Variants in ZCCHC4 observed in about 807,000 individuals in gnomAD.
ZCCHC4 encodes zinc finger CCHC-type containing 4.
ZCCHC4 carries 54 observed loss-of-function variants against 67.7 expected under a neutral mutation model. The observed-to-expected ratio is 0.80, with a 90% CI of 0.64 to 1.00. The LOEUF is 1.00. Ranked by LOEUF, ZCCHC4 falls within the 50% of genes least tolerant of loss-of-function variation. ZCCHC4 has a pLI of 0.00. For missense variants in ZCCHC4, 609 were observed against 617.0 expected, an observed-to-expected ratio of 0.99 and a Z score of 0.14; for synonymous variants, 198 against 213.5, an observed-to-expected ratio of 0.93 and a Z score of 0.63.
rs748802959 is a variant in ZCCHC4 at position 25,315,386 on chromosome 4, G to T, written c.315G>T (p.Thr105=). 4 of 1,611,476 alleles carry T rather than the reference G, an allele frequency of 2.5e-6. No homozygotes were observed. The highest frequency in any genetic ancestry group is 2.5e-6 in the Non-Finnish European group (3 of 1,178,682). The change falls in exon 3 of 13, where the codon ACG becomes ACT. Residue 105 remains threonine, a synonymous_variant. Coordinates refer to ENST00000302874, the MANE Select transcript of ZCCHC4 (RefSeq NM_024936.3). ...GATGTCAGCCTCCCCTGTCCCGAAC[G>T]CAGTGTGTGGAAAGGTACTGATGCA... The part of the protein sequence containing the change: ...NRRCQPPLSR[T]QCVERYLKFI...
chr4:25,321,203 T>C (rs1164082459), intron 3 of ZCCHC4, among the ~76,000 whole-genome samples: 1 of 152,148 alleles, frequency 6.6e-6, no homozygotes, highest in East Asian at 1.9e-4. Flanking sequence ...TCTTTCACTC[T>C]TGCTGCCGCT....
chr4:25,341,830 T>C (rs1057015567), intron 5 of ZCCHC4, among the ~76,000 whole-genome samples: 1 of 152,234 alleles, frequency 6.6e-6, no homozygotes, highest in African/African-American at 2.4e-5. Flanking sequence ...TCCAGAACTC[T>C]TCATCTTGCC....
intron 10 of ZCCHC4, among the ~76,000 whole-genome samples, chr4:25,363,327 A>T (rs577698377): frequency 6.6e-6 from 1 of 152,286 alleles, no homozygotes; most frequent in African/African-American, 2.4e-5. Flanking sequence ...AGGTTCCTTC[A>T]TGTCTTTTCA....
chr4:25,327,378 C>CTCCCTTCCTCCCTCCCTCCCTCCT lies in ZCCHC4; in HGVS notation c.330-5800_330-5799insTCCTCCCTCCCTCCCTCCTTCCCT, dbSNP rs1560401264. On this transcript the variant is annotated intron_variant, in intron 3 of 12. Transcript: ENST00000302874. ...CTTCTATTTCTGGTTTTTTGAGAAT[C>CTCCCTTCCTCCCTCCCTCCCTCCT]TCCCTCCCTCCCTCCCTCCCTCCTT... is the stretch of plus-strand genomic sequence containing the variant. 5.3e-5 allele frequency among the ~76,000 whole-genome samples: 7 copies of CTCCCTTCCTCCCTCCCTCCCTCCT among 132,514 alleles called. No individual in the cohort carries two copies. In the East Asian group the frequency reaches 1.6e-3, roughly 30 times the overall value. The allele number at this position is 132,514 out of a possible 152,430, so 86.9% of individuals were successfully genotyped here. A position where few individuals can be genotyped will look rare whatever the true frequency, so the allele number is the denominator to read the frequency against.
intron 3 of ZCCHC4, among the ~76,000 whole-genome samples, chr4:25,321,457 C>A (rs1173605303): frequency 1.3e-5 from 2 of 152,148 alleles, no homozygotes; most frequent in Non-Finnish European, 2.9e-5. Context: ...ACTTCAACCT[C>A]CACTTCTGGG....
intron 6 of ZCCHC4, among the ~76,000 whole-genome samples, chr4:25,346,157 G>T (rs1365423467): frequency 6.6e-6 from 1 of 152,020 alleles, no homozygotes; most frequent in African/African-American, 2.4e-5. Context: ...ATGTGTCAGG[G>T]CTGGGAGTGT....
chr4:25,326,253 T>C (rs775889609), intron 3 of ZCCHC4, among the ~76,000 whole-genome samples: 1 of 152,262 alleles, frequency 6.6e-6, no homozygotes, highest in Non-Finnish European at 1.5e-5. Flanking sequence ...CTCCAGTCTC[T>C]GCTTCTGTCA....
At chr4:25,313,165 G>T (rs577588577) in intron 1 of ZCCHC4, among the ~76,000 whole-genome samples, 2 of 152,194 alleles carry the variant, frequency 1.3e-5, no homozygotes, top group Admixed American at 6.5e-5. Context: ...ATCTCTTTTG[G>T]GGGGAAGGGG....
Position 25,359,276 on chromosome 4 carries a change from A to G in ZCCHC4, c.1012-2583A>G, listed in dbSNP as rs1423910463. Among the ~76,000 whole-genome samples, 3 of 152,188 alleles carry G rather than the reference A, an allele frequency of 2.0e-5. No individual in the cohort carries two copies. The highest frequency in any genetic ancestry group is 4.4e-5 in the Non-Finnish European group (3 of 68,032). On this transcript the variant is annotated intron_variant, in intron 8 of 12. Coordinates refer to ENST00000302874, the MANE Select transcript of ZCCHC4 (RefSeq NM_024936.3). This position sits in a 1 kb window ranked among gnomAD's most constrained non-coding sequence, Gnocchi z 4.9. ...TTTTTGACTGTGCTACGAGAAGTACACACCCAGTCCCTGAGGGATGCAGTA... is the reference window on the plus strand; with the variant it reads ...TTTTTGACTGTGCTACGAGAAGTACGCACCCAGTCCCTGAGGGATGCAGTA...
rs758047931 is a variant in ZCCHC4 at position 25,361,966 on chromosome 4, T to C, written c.1119T>C (p.Thr373=). The part of the protein sequence containing the change: ...NIPPNKIILP[T]EEGYRFCSPC... ...CGCCCAACAAAATAATCCTTCCTACTGAAGAAGGGTACAGGTAAGATCACA... is the reference window on the plus strand; with the variant it reads ...CGCCCAACAAAATAATCCTTCCTACCGAAGAAGGGTACAGGTAAGATCACA... Residue 373 remains threonine, a synonymous_variant, in exon 9 of 13, where the codon ACT becomes ACC. Transcript: ENST00000302874. 19 of 1,613,866 alleles carry C rather than the reference T, an allele frequency of 1.2e-5. No homozygotes were observed. Among genetic ancestry groups the C allele is most frequent in the Non-Finnish European group, 1.5e-5 (18 of 1,179,974 alleles).
chr4:25,329,747 A>G (rs1428006664), intron 3 of ZCCHC4, among the ~76,000 whole-genome samples: 1 of 151,350 alleles, frequency 6.6e-6, no homozygotes, highest in Non-Finnish European at 1.5e-5. Context: ...GTTGGCCAGG[A>G]TGGTCTCGAT....
At chr4:25,361,736 A>G in intron 8 of ZCCHC4, 123 bp from the exon 9 acceptor site, 1 of 1,034,936 alleles carries the variant, frequency 9.7e-7, no homozygotes, top group South Asian at 1.8e-5. Context: ...GGAACCTGAC[A>G]CTTGGCATGA....
At chr4:25,322,089 A>G (rs2109052494) in intron 3 of ZCCHC4, among the ~76,000 whole-genome samples, 1 of 152,316 alleles carries the variant, frequency 6.6e-6, no homozygotes, top group Admixed American at 6.5e-5. Flanking sequence ...AAAATGTGAA[A>G]AAATATACAC....
At chr4:25,314,224 G>C in intron 2 of ZCCHC4, 60 bp downstream of exon 2, 3 of 1,128,762 alleles carry the variant, frequency 2.7e-6, no homozygotes, top group Non-Finnish European at 3.9e-6. Flanking sequence ...ATTTTGTTGA[G>C]AACGTGTAAA....
At chr4:25,354,975 A>G (rs1172890777) in intron 8 of ZCCHC4, among the ~76,000 whole-genome samples, 1 of 151,162 alleles carries the variant, frequency 6.6e-6, no homozygotes, top group Non-Finnish European at 1.5e-5. Context: ...TGCAGTAAAA[A>G]ACCCCAAATC....
intron 8 of ZCCHC4, among the ~76,000 whole-genome samples, chr4:25,353,216 T>C (rs1030797166): frequency 6.6e-6 from 1 of 150,840 alleles, no homozygotes; most frequent in Non-Finnish European, 1.5e-5. Flanking sequence ...TTTATGCATA[T>C]AATTTTTTCA....
In ZCCHC4 at chr4:25,351,675, A is replaced by T. The variant is rs1720303665; in HGVS notation, c.997A>T (p.Met333Leu). 1 of 1,610,608 alleles carries T rather than the reference A, an allele frequency of 6.2e-7. No homozygotes were observed. The highest frequency in any genetic ancestry group is 1.7e-5 in the Admixed American group (1 of 59,808). ...TTGTCAGTTTTTTCCAAGCTTCCAGATGCTGGATTACCAGGTAGAGTACAT... is the reference window on the plus strand; with the variant it reads ...TTGTCAGTTTTTTCCAAGCTTCCAGTTGCTGGATTACCAGGTAGAGTACAT... ...RICQFFPSFQ[M>L]LDYQVDYDNH... The change falls in exon 8 of 13, where the codon ATG becomes TTG. Residue 333 changes from methionine (M) to leucine (L), a missense_variant. Coordinates refer to ENST00000302874, the MANE Select transcript of ZCCHC4 (RefSeq NM_024936.3).
At chr4:25,338,072 CTT>C (rs1213374683) in intron 5 of ZCCHC4, among the ~76,000 whole-genome samples, 3 of 152,248 alleles carry the variant, frequency 2.0e-5, no homozygotes, top group Admixed American at 2.0e-4. Flanking sequence ...ACCTTGAAAA[CTT>C]TTCCTGCTGG....
chr4:25,349,713 C>A, intron 7 of ZCCHC4, 71 bp downstream of exon 7: 1 of 1,497,516 alleles, frequency 6.7e-7, no homozygotes, highest in Non-Finnish European at 9.2e-7. Context: ...TAGCTGAGCT[C>A]AGTGAATCAG....
Sources: gnomAD v4.1 joint callset for allele counts (sites outside exome capture counted in the v4.1 genomes callset) on GRCh38, gnomAD v4.1.1 for gene constraint, Gnocchi (gnomAD v3.1) non-coding constraint, MANE v1.5 for transcripts, NCBI Gene and HGNC (gene_info 2026-07-23, HGNC 2026-07-21) for gene names.